CCND2: variants seen among roughly 807,000 people sequenced by gnomAD.
CCND2 encodes the protein G1/S-specific cyclin-D2.
CCND2 carries 6 observed loss-of-function variants against 30.2 expected under a neutral mutation model. The observed-to-expected ratio is 0.20, with a 90% CI of 0.11 to 0.39. The LOEUF (loss-of-function observed/expected upper bound fraction) is 0.39. Ranked by LOEUF, CCND2 falls within the 10% of genes least tolerant of loss-of-function variation. The pLI is 1.00. For missense variants in CCND2, 235 were observed against 373.4 expected (o/e 0.63, Z 3.06); for synonymous variants, 150 against 153.1 (o/e 0.98, Z 0.15).
At position 4,274,376 on chromosome 12, in the gene CCND2, G is replaced by A. The variant is rs540953911; in HGVS notation, c.195+141G>A. ...GCGGGAGTTTACCGCGCGCCTTCTG[G>A]CGAGACGCGTGGCTTTATTTCTGTT... On this transcript the variant is annotated intron_variant, in intron 1 of 4. Transcript: ENST00000261254. This position sits in a 1 kb window ranked among gnomAD's most constrained non-coding sequence, Gnocchi z 7.7. 2 of 837,200 alleles carry A rather than the reference G, an allele frequency of 2.4e-6. No individual in the cohort carries two copies. Among genetic ancestry groups the A allele is most frequent in the Non-Finnish European group, 3.8e-6 (2 of 525,620 alleles). 51.9% of individuals were successfully genotyped at this position (837,200 alleles called of 1,614,324 possible).
In CCND2 at chr12:4,281,846, G is replaced by A. The variant is rs938448375; in HGVS notation, c.571+2927G>A. Among the ~76,000 whole-genome samples the A allele has an allele frequency of 2.6e-5, 4 of 151,986 alleles. No individual in the cohort carries two copies. The East Asian group carries it at 5.8e-4, about 22-fold the overall frequency. On this transcript the variant is annotated intron_variant, in intron 3 of 4. Transcript: ENST00000261254. ...TGGATTAAGATGGTGGCAAGGCGGAGAGGAGCCCTCCTTCCTTCCCTGCTC... is the reference window on the plus strand; with the variant it reads ...TGGATTAAGATGGTGGCAAGGCGGAAAGGAGCCCTCCTTCCTTCCCTGCTC...
Position 4,300,082 on chromosome 12 carries a change from C to G in CCND2, c.*73C>G. 6.9e-7 allele frequency: 1 copy of G among 1,452,892 alleles called. No individual in the cohort carries two copies. The highest frequency in any genetic ancestry group is 9.2e-7 in the Non-Finnish European group (1 of 1,085,730). The allele number at this position is 1,452,892 out of a possible 1,614,324, so 90.0% of individuals were successfully genotyped here. ...CTTCTTCTTTCTGGTTGTTTTTGTT[C>G]TTTGTGTTTTAGGGTGAAACTTAAA... On this transcript the variant is annotated 3_prime_UTR_variant, in exon 5 of 5. Transcript: ENST00000261254.
rs996496946 is a variant in CCND2 at position 4,303,762 on chromosome 12, G to T, written c.*3753G>T. ...AGGCGAGCTCCTTGAAGAAGGGGCTGTTCTTCCAGGAGGCCTTATTTTGAA... is the reference window on the plus strand; with the variant it reads ...AGGCGAGCTCCTTGAAGAAGGGGCTTTTCTTCCAGGAGGCCTTATTTTGAA... On this transcript the variant is annotated 3_prime_UTR_variant, in exon 5 of 5. Coordinates refer to ENST00000261254, the MANE Select transcript of CCND2 (RefSeq NM_001759.4). The surrounding 1 kb of genome is among the most constrained non-coding windows in gnomAD (Gnocchi z 4.6). 1 of 233,498 alleles carries T rather than the reference G, an allele frequency of 4.3e-6. No homozygotes were observed. The highest frequency in any genetic ancestry group is 2.2e-5 in the African/African-American group (1 of 45,458). 14.5% of individuals were successfully genotyped at this position (233,498 alleles called of 1,614,324 possible).
chr12:4,286,346 C>T (rs950084327), intron 3 of CCND2, among the ~76,000 whole-genome samples: 1 of 152,182 alleles, frequency 6.6e-6, no homozygotes, highest in African/African-American at 2.4e-5. Flanking sequence ...AATGGGAAAC[C>T]AAGCCCTTGG....
At chr12:4,288,762 TTC>T (rs1372783903) in intron 3 of CCND2, 78 bp from the exon 4 acceptor site, 1 of 1,430,058 alleles carries the variant, frequency 7.0e-7, no homozygotes, top group East Asian at 2.4e-5. Flanking sequence ...GCCGTCCTGT[TTC>T]TGAGTCTCTG....
chr12:4,296,022 G>A (rs1477174305), intron 4 of CCND2, among the ~76,000 whole-genome samples: 1 of 152,218 alleles, frequency 6.6e-6, no homozygotes, highest in African/African-American at 2.4e-5. Flanking sequence ...AGTCCTCCCT[G>A]TAGGGTTTTC....
chr12:4,288,996 T>C lies in CCND2; in HGVS notation c.720+6T>C. 1 of 1,606,724 alleles carries C rather than the reference T, an allele frequency of 6.2e-7. No individual in the cohort carries two copies. Among genetic ancestry groups the C allele is most frequent in the South Asian group, 1.1e-5 (1 of 90,296 alleles). On this transcript the variant is annotated splice_donor_region_variant and intron_variant, in intron 4 of 4. Transcript: ENST00000261254. The stretch of plus-strand genomic sequence containing the variant: ...AGATCACCAACACAGACGTGGTAGG[T>C]GGCCACCACCTTCTTGGCTAAGTCC...
rs1158856815 is a variant in CCND2 at position 4,282,459 on chromosome 12, G to A, written c.571+3540G>A. 6.6e-6 allele frequency among the ~76,000 whole-genome samples: 1 copy of A among 152,232 alleles called. No homozygotes were observed. Among genetic ancestry groups the A allele is most frequent in the Non-Finnish European group, 1.5e-5 (1 of 68,032 alleles). On this transcript the variant is annotated intron_variant, in intron 3 of 4. Transcript: ENST00000261254. The surrounding 1 kb of genome is among the most constrained non-coding windows in gnomAD (Gnocchi z 4.3). ...CCTCAGATTCCATCGCCAAGTGAGA[G>A]GGAGACAGTGGTGGCCCAGAGAAGT...
At chr12:4,284,600 T>C (rs1327758868) in intron 3 of CCND2, among the ~76,000 whole-genome samples, 1 of 152,182 alleles carries the variant, frequency 6.6e-6, no homozygotes, top group Non-Finnish European at 1.5e-5. Context: ...CTGCCCAAGC[T>C]CCGTGCACTC....
chr12:4,273,983 A>G lies in CCND2; in HGVS notation c.-58A>G. ...CCCTCCCCTTCCAAAAAACAAAAAC[A>G]GAAAAACCTTTTTCCAGGCCGGGGA... On this transcript the variant is annotated 5_prime_UTR_variant, in exon 1 of 5. Coordinates refer to ENST00000261254, the MANE Select transcript of CCND2 (RefSeq NM_001759.4). This position sits in a 1 kb window ranked among gnomAD's most constrained non-coding sequence, Gnocchi z 5.9. 2 of 1,544,574 alleles carry G rather than the reference A, an allele frequency of 1.3e-6. No individual in the cohort carries two copies. The highest frequency in any genetic ancestry group is 1.8e-6 in the Non-Finnish European group (2 of 1,140,886).
Position 4,285,227 on chromosome 12 carries a change from G to T in CCND2, c.572-3615G>T. 1 of 938,080 alleles carries T rather than the reference G, an allele frequency of 1.1e-6. No individual in the cohort carries two copies. The highest frequency in any genetic ancestry group is 1.3e-6 in the Non-Finnish European group (1 of 786,734). 58.1% of individuals were successfully genotyped at this position (938,080 alleles called of 1,614,324 possible). A position where few individuals can be genotyped will look rare whatever the true frequency, so the allele number is the denominator to read the frequency against. On this transcript the variant is annotated intron_variant, in intron 3 of 4. Transcript: ENST00000261254. This position sits in a 1 kb window ranked among gnomAD's most constrained non-coding sequence, Gnocchi z 4.1. ...AGGGAGGAGCACATTGTCATGAGTC[G>T]ATCAGAATGGATCGCTGATCGGTTC...
intron 3 of CCND2, among the ~76,000 whole-genome samples, chr12:4,281,448 G>T (rs538660080): frequency 1.3e-5 from 2 of 152,158 alleles, no homozygotes; most frequent in Admixed American, 1.3e-4. Flanking sequence ...GGCCAGTAGC[G>T]GGCACAGAGT....
chr12:4,279,107 C>T (rs1014725129), intron 3 of CCND2, among the ~76,000 whole-genome samples, 188 bp downstream of exon 3: 2 of 152,154 alleles, frequency 1.3e-5, no homozygotes, highest in African/African-American at 4.8e-5. Flanking sequence ...TATATATTCG[C>T]TTTCTCTGCT....
rs374938078 is a variant in CCND2, at chr12:4,274,529, C to A, written c.195+294C>A. ...ATGTGGCTGCCTCTTCTTCCCACCC[C>A]CCTCGCGACCTGTCTTTTGCGAAGC... On this transcript the variant is annotated intron_variant, in intron 1 of 4. Transcript: ENST00000261254. This position sits in a 1 kb window ranked among gnomAD's most constrained non-coding sequence, Gnocchi z 7.7. 2.2e-4 allele frequency among the ~76,000 whole-genome samples: 33 copies of A among 152,320 alleles called. 1 individual carries two copies. The highest frequency in any genetic ancestry group is 2.1e-3 in the South Asian group (10 of 4,830).
At chr12:4,284,009 T>G (rs564052492) in intron 3 of CCND2, among the ~76,000 whole-genome samples, 1 of 152,318 alleles carries the variant, frequency 6.6e-6, no homozygotes, top group South Asian at 2.1e-4. Context: ...CCCTCATTCT[T>G]CCTGGCCTGC....
At position 4,276,064 on chromosome 12, in the gene CCND2, C is replaced by T. The variant is rs756058431; in HGVS notation, c.255C>T (p.Asp85=). The T allele has an allele frequency of 6.8e-6, 11 of 1,613,098 alleles. No homozygotes were observed. The highest frequency in any genetic ancestry group is 3.3e-5 in the Admixed American group (2 of 59,908). Residue 85 remains aspartate, a synonymous_variant, in exon 2 of 5, where the codon GAC becomes GAT. Transcript: ENST00000261254. The surrounding 1 kb of genome is among the most constrained non-coding windows in gnomAD (Gnocchi z 4.8). ...TCCCTCTGGCCATGAATTACCTGGACCGTTTCTTGGCTGGGGTCCCGACTC... is the reference window on the plus strand; with the variant it reads ...TCCCTCTGGCCATGAATTACCTGGATCGTTTCTTGGCTGGGGTCCCGACTC... The part of the protein sequence containing the change: ...EVFPLAMNYL[D]RFLAGVPTPK...
rs1864290182 is a variant in CCND2 at position 4,304,463 on chromosome 12, C to T, written c.*4454C>T. ...AATTTACAAGAGCTGTTCATGCAGCCATCCATTTGTGCAAAATAGGGTAAG... is the reference window on the plus strand; with the variant it reads ...AATTTACAAGAGCTGTTCATGCAGCTATCCATTTGTGCAAAATAGGGTAAG... On this transcript the variant is annotated 3_prime_UTR_variant, in exon 5 of 5. Coordinates refer to ENST00000261254, the MANE Select transcript of CCND2 (RefSeq NM_001759.4). The surrounding 1 kb of genome is among the most constrained non-coding windows in gnomAD (Gnocchi z 6.2). The T allele has an allele frequency of 4.3e-6, 1 of 233,654 alleles. No homozygotes were observed. Among genetic ancestry groups the T allele is most frequent in the Non-Finnish European group, 8.5e-6 (1 of 118,014 alleles). The allele number at this position is 233,654 out of a possible 1,614,324, so 14.5% of individuals were successfully genotyped here.
At position 4,273,882 on chromosome 12, in the gene CCND2, CCTT is replaced by C. The variant is rs761448528; in HGVS notation, c.-156_-154del. 3.2e-4 allele frequency: 224 copies of C among 697,046 alleles called. No individual in the cohort carries two copies. Among genetic ancestry groups the C allele is most frequent in the Non-Finnish European group, 5.1e-4 (215 of 423,742 alleles). The allele number at this position is 697,046 out of a possible 1,614,324, so 43.2% of individuals were successfully genotyped here. A position where few individuals can be genotyped will look rare whatever the true frequency, so the allele number is the denominator to read the frequency against. ...CAATCCTCGCCTCCCTTCTGCTCCA[CCTT>C]CTCTCTCTGCCCTCACCTCTCCCCC... is the stretch of plus-strand genomic sequence containing the variant. On this transcript the variant is annotated 5_prime_UTR_variant, in exon 1 of 5. Coordinates refer to ENST00000261254, the MANE Select transcript of CCND2 (RefSeq NM_001759.4). The surrounding 1 kb of genome is among the most constrained non-coding windows in gnomAD (Gnocchi z 5.9).
In CCND2 at chr12:4,303,104, C is replaced by T. The variant is rs1009582650; in HGVS notation, c.*3095C>T. On this transcript the variant is annotated 3_prime_UTR_variant, in exon 5 of 5. Coordinates refer to ENST00000261254, the MANE Select transcript of CCND2 (RefSeq NM_001759.4). The surrounding 1 kb of genome is among the most constrained non-coding windows in gnomAD (Gnocchi z 4.6). ...AAACAGAAGCAGCAAATGAAAGAAC[C>T]GGACAAATAAGGAAGGGCACAAGCC... 5 of 233,134 alleles carry T rather than the reference C, an allele frequency of 2.1e-5. No individual in the cohort carries two copies. Among genetic ancestry groups the T allele is most frequent in the Non-Finnish European group, 3.4e-5 (4 of 118,060 alleles). The allele number at this position is 233,134 out of a possible 1,614,324, so 14.4% of individuals were successfully genotyped here. A position where few individuals can be genotyped will look rare whatever the true frequency, so the allele number is the denominator to read the frequency against.
Sources: gnomAD v4.1 joint callset for allele counts (sites outside exome capture counted in the v4.1 genomes callset) on GRCh38, gnomAD v4.1.1 for gene constraint, Gnocchi (gnomAD v3.1) non-coding constraint, MANE v1.5 for transcripts, NCBI Gene and HGNC (gene_info 2026-07-23, HGNC 2026-07-21) for gene names.